The following ATF7IP2 variants were observed in gnomAD, a reference collection of about 807,000 sequenced individuals.
The protein encoded by ATF7IP2 is activating transcription factor 7-interacting protein 2.
Under a neutral mutation model 64.2 loss-of-function variants are expected in ATF7IP2, and 42 were observed. That is an observed-to-expected ratio of 0.65 (90% CI 0.51 to 0.85). The LOEUF is 0.85. Among genes scored for constraint, ATF7IP2 ranks in the 40% least tolerant of loss-of-function variants. The pLI is 0.00. For synonymous variants in ATF7IP2, 308 were observed against 272.8 expected, an observed-to-expected ratio of 1.13 and a Z score of -1.27; for missense variants, 933 against 784.2, an observed-to-expected ratio of 1.19 and a Z score of -2.27.
At chr16:10,439,397 G>A (rs996123915) in intron 7 of ATF7IP2, among the ~76,000 whole-genome samples, 1 of 151,286 alleles carries the variant, frequency 6.6e-6, no homozygotes, top group Non-Finnish European at 1.5e-5. Context: ...CACCGTGCCC[G>A]GCTAATTTTT....
intron 8 of ATF7IP2, among the ~76,000 whole-genome samples, chr16:10,442,627 A>C (rs1368128389): frequency 1.3e-5 from 2 of 152,200 alleles, no homozygotes. Flanking sequence ...TCATTAGATA[A>C]GGAGGTGAGA....
At chr16:10,412,639 T>C (rs745316250) in intron 1 of ATF7IP2, among the ~76,000 whole-genome samples, 21 of 152,208 alleles carry the variant, frequency 1.4e-4, no homozygotes, top group Non-Finnish European at 2.6e-4. Flanking sequence ...ATGAATAGAA[T>C]GTATATTCTG....
intron 9 of ATF7IP2, among the ~76,000 whole-genome samples, chr16:10,471,123 T>C (rs1370212725): frequency 6.6e-6 from 1 of 152,078 alleles, no homozygotes; most frequent in African/African-American, 2.4e-5. Context: ...GTTGCTGGAA[T>C]AGAGGGAAAA....
chr16:10,419,972 A>G (rs2047960161), intron 3 of ATF7IP2, among the ~76,000 whole-genome samples: 1 of 152,256 alleles, frequency 6.6e-6, no homozygotes, highest in South Asian at 2.1e-4. Flanking sequence ...CAGGCTCAAA[A>G]AATGTAAAGT....
intron 2 of ATF7IP2, among the ~76,000 whole-genome samples, chr16:10,417,380 T>C (rs1434034235): frequency 1.3e-5 from 2 of 151,974 alleles, no homozygotes; most frequent in Non-Finnish European, 2.9e-5. Flanking sequence ...GTTGAAGGGG[T>C]AGAAAAAGAT....
intron 1 of ATF7IP2, chr16:10,386,399 C>T (rs2047204758): frequency 6.6e-6 from 1 of 152,344 alleles, no homozygotes; most frequent in African/African-American, 2.4e-5. Flanking sequence ...GTCCGGGCGG[C>T]ACTGGGGTTA....
chr16:10,407,371 A>C (rs554229084), intron 1 of ATF7IP2, among the ~76,000 whole-genome samples: 1 of 152,220 alleles, frequency 6.6e-6, no homozygotes, highest in Admixed American at 6.5e-5. Context: ...ACATAGTACT[A>C]TAAGTCCTAG....
intron 1 of ATF7IP2, among the ~76,000 whole-genome samples, chr16:10,396,092 C>G (rs2047414344): frequency 1.3e-5 from 2 of 152,150 alleles, no homozygotes; most frequent in Non-Finnish European, 1.5e-5. Context: ...GTACATAAAT[C>G]TGTTTTATTT....
intron 13 of ATF7IP2, 80 bp downstream of exon 13, chr16:10,481,044 T>C (rs1344405559): frequency 2.9e-6 from 3 of 1,030,754 alleles, no homozygotes; most frequent in Non-Finnish European, 4.5e-6. Flanking sequence ...GAAGAAACAT[T>C]TGGGTCACAT....
chr16:10,448,039 C>A (rs1232203336), intron 8 of ATF7IP2: 1 of 152,182 alleles, frequency 6.6e-6, no homozygotes, highest in East Asian at 1.9e-4. Flanking sequence ...ATCCTTTCCC[C>A]ATTGCTTGTT....
At chr16:10,440,502 C>T (rs1265736499) in intron 8 of ATF7IP2, 40 bp downstream of exon 8, 2 of 1,117,694 alleles carry the variant, frequency 1.8e-6, no homozygotes, top group Non-Finnish European at 2.6e-6. Context: ...ATCTATTTGA[C>T]TCATATAAGT....
intron 1 of ATF7IP2, among the ~76,000 whole-genome samples, chr16:10,398,239 G>A (rs532555537): frequency 3.9e-5 from 6 of 152,062 alleles, no homozygotes; most frequent in African/African-American, 1.2e-4. Context: ...GGGAGGCAGA[G>A]GTTGTAGTGA....
intron 3 of ATF7IP2, among the ~76,000 whole-genome samples, chr16:10,420,632 T>A (rs1312828151): frequency 6.6e-6 from 1 of 152,218 alleles, no homozygotes; most frequent in African/African-American, 2.4e-5. Context: ...TGAGTCCTAA[T>A]GTAAATGATG....
chr16:10,438,865 C>A (rs1279668698), intron 7 of ATF7IP2, among the ~76,000 whole-genome samples: 1 of 151,938 alleles, frequency 6.6e-6, no homozygotes, highest in Non-Finnish European at 1.5e-5. Flanking sequence ...CCGTCCTGGG[C>A]AACATAGTGA....
At chr16:10,432,685 A>G (rs2048296249) in intron 5 of ATF7IP2, among the ~76,000 whole-genome samples, 1 of 152,234 alleles carries the variant, frequency 6.6e-6, no homozygotes, top group Non-Finnish European at 1.5e-5. Flanking sequence ...CCTGGCCAAC[A>G]TGGCGAAACC....
intron 10 of ATF7IP2, 87 bp from the exon 11 acceptor site, chr16:10,473,392 A>C: frequency 1.3e-6 from 1 of 799,024 alleles, no homozygotes; most frequent in South Asian, 1.5e-5. Flanking sequence ...GCTAATTAGC[A>C]TCCCTATTAT....
chr16:10,418,087 T>C (rs1409057619), intron 2 of ATF7IP2, among the ~76,000 whole-genome samples: 1 of 152,196 alleles, frequency 6.6e-6, no homozygotes, highest in Non-Finnish European at 1.5e-5. Flanking sequence ...TACCCACATA[T>C]TCATTGACAG....
intron 2 of ATF7IP2, among the ~76,000 whole-genome samples, 171 bp from the exon 3 acceptor site, chr16:10,419,410 G>T (rs2047947046): frequency 6.6e-6 from 1 of 152,110 alleles, no homozygotes; most frequent in African/African-American, 2.4e-5. Flanking sequence ...CCACTGGGGG[G>T]TCCAGCCAAG....
At chr16:10,452,142 C>T (rs969939875) in intron 8 of ATF7IP2, among the ~76,000 whole-genome samples, 4 of 152,168 alleles carry the variant, frequency 2.6e-5, no homozygotes, top group East Asian at 1.9e-4. Flanking sequence ...CCTCATTCTC[C>T]GTCCAGTTTT....
Sources: gnomAD v4.1 joint callset for allele counts (sites outside exome capture counted in the v4.1 genomes callset) on GRCh38, gnomAD v4.1.1 for gene constraint, MANE v1.5 for transcripts, NCBI Gene and HGNC (gene_info 2026-07-23, HGNC 2026-07-21) for gene names.